Variants in SORCS2 observed in about 807,000 individuals in gnomAD.
The protein encoded by SORCS2 is sortilin related VPS10 domain containing receptor 2, also known as VPS10 domain-containing receptor SorCS2.
A neutral mutation model predicts 141.6 loss-of-function variants in SORCS2; 100 were observed. The ratio of observed to expected loss-of-function variants is 0.71; its 90% CI spans 0.60 to 0.83. The LOEUF is 0.83. Ranked by LOEUF, SORCS2 falls within the 40% of genes least tolerant of loss-of-function variation. The probability of loss-of-function intolerance (pLI) is 0.00; values close to 1 mark genes in which losing one functional copy is unlikely to be tolerated. For synonymous variants in SORCS2, 789 were observed against 676.9 expected, an observed-to-expected ratio of 1.17 and a Z score of -2.57; for missense variants, 1,646 against 1,560.2, an observed-to-expected ratio of 1.05 and a Z score of -0.93.
intron 1 of SORCS2, among the ~76,000 whole-genome samples, chr4:7,261,072 T>A (rs1035525033): frequency 6.6e-6 from 1 of 152,236 alleles, no homozygotes; most frequent in South Asian, 2.1e-4. Flanking sequence ...TTCTAACTTA[T>A]GGTCATGCTG....
At position 7,676,332 on chromosome 4, in the gene SORCS2, G is replaced by T. The variant is rs1723111353; in HGVS notation, c.1341+103G>T. The T allele has an allele frequency of 2.3e-6, 3 of 1,292,116 alleles. No individual in the cohort carries two copies. In the Admixed American group the frequency reaches 6.2e-5, roughly 27 times the overall value. 80.0% of individuals were successfully genotyped at this position (1,292,116 alleles called of 1,614,324 possible). A position where few individuals can be genotyped will look rare whatever the true frequency, so the allele number is the denominator to read the frequency against. On this transcript the variant is annotated intron_variant, in intron 9 of 26. Coordinates refer to ENST00000507866, the MANE Select transcript of SORCS2 (RefSeq NM_020777.3). ...CCCTCCCCTCCCGCCTGTCTATATAGCTGTCTCAAGGGTCTGCACACATCT... is the reference window on the plus strand; with the variant it reads ...CCCTCCCCTCCCGCCTGTCTATATATCTGTCTCAAGGGTCTGCACACATCT...
At chr4:7,513,389 G>A (rs898282810) in intron 2 of SORCS2, among the ~76,000 whole-genome samples, 6 of 152,178 alleles carry the variant, frequency 3.9e-5, no homozygotes, top group African/African-American at 1.4e-4. Context: ...GAGGGAAAAC[G>A]GGGCTTCACC....
rs1417941435 is a variant in SORCS2 at position 7,741,559 on chromosome 4, CAG to C, written c.*1298_*1299del. 2.1e-5 allele frequency: 6 copies of C among 291,854 alleles called. No individual in the cohort carries two copies. The highest frequency in any genetic ancestry group is 3.2e-5 in the Non-Finnish European group (5 of 158,654). 18.1% of individuals were successfully genotyped at this position (291,854 alleles called of 1,614,324 possible). A position where few individuals can be genotyped will look rare whatever the true frequency, so the allele number is the denominator to read the frequency against. On this transcript the variant is annotated 3_prime_UTR_variant, in exon 27 of 27. Transcript: ENST00000507866. ...TCTCAGATGACCGTGGCCTCCCTCT[CAG>C]AGGGGGAGAACGCCAGAGCCCTGGC... is the stretch of plus-strand genomic sequence containing the variant.
At chr4:7,518,568 A>G (rs943452005) in intron 2 of SORCS2, among the ~76,000 whole-genome samples, 4 of 152,162 alleles carry the variant, frequency 2.6e-5, no homozygotes, top group African/African-American at 9.7e-5. Context: ...TCTGGGTTTT[A>G]GAGTGGTTTC....
intron 1 of SORCS2, among the ~76,000 whole-genome samples, chr4:7,249,084 A>G (rs961977121): frequency 2.0e-5 from 3 of 152,362 alleles, no homozygotes; most frequent in Middle Eastern, 3.4e-3. Flanking sequence ...TCAGTGGCTT[A>G]AAAGAATCAT....
chr4:7,302,767 A>ATGTGTGTGTGTGTGTGTGTG (rs753375857), intron 1 of SORCS2, among the ~76,000 whole-genome samples: 186 of 101,686 alleles, frequency 1.8e-3, no homozygotes, highest in Non-Finnish European at 2.9e-3. Flanking sequence ...GACAGTCCAC[A>ATGTGTGTGTGTGTGTGTGTG]TATGTGTGTG....
At chr4:7,267,500 G>T (rs775707992) in intron 1 of SORCS2, among the ~76,000 whole-genome samples, 1 of 152,082 alleles carries the variant, frequency 6.6e-6, no homozygotes, top group Admixed American at 6.5e-5. Context: ...AGCAGAACTC[G>T]CTGGATACAT....
chr4:7,323,794 G>C (rs987119199), intron 1 of SORCS2, among the ~76,000 whole-genome samples: 3 of 151,972 alleles, frequency 2.0e-5, no homozygotes, highest in African/African-American at 7.2e-5. Context: ...CCGAGAAATG[G>C]GAACAGAACC....
chr4:7,635,689 C>T (rs1720196995), intron 3 of SORCS2, among the ~76,000 whole-genome samples: 1 of 152,170 alleles, frequency 6.6e-6, no homozygotes, highest in South Asian at 2.1e-4. Context: ...TCAAAGCCTC[C>T]CCTAACCAGC....
chr4:7,490,999 C>A (rs371618584), intron 2 of SORCS2, among the ~76,000 whole-genome samples: 3 of 152,258 alleles, frequency 2.0e-5, no homozygotes, highest in South Asian at 4.1e-4. Flanking sequence ...CTCGCCCCTC[C>A]TCTCTGTCCC....
intron 2 of SORCS2, among the ~76,000 whole-genome samples, chr4:7,459,524 C>T (rs554176342): frequency 4.9e-4 from 75 of 152,264 alleles, no homozygotes; most frequent in Non-Finnish European, 4.9e-4. Flanking sequence ...CCATGATGGC[C>T]GGGCCCCATG....
At chr4:7,196,762 C>G (rs769322758) in intron 1 of SORCS2, among the ~76,000 whole-genome samples, 10 of 152,104 alleles carry the variant, frequency 6.6e-5, no homozygotes, top group Non-Finnish European at 1.5e-4. Context: ...ACTCTCTGTT[C>G]TGCAATCTTG....
intron 1 of SORCS2, among the ~76,000 whole-genome samples, chr4:7,240,737 G>T (rs1712637393): frequency 6.6e-6 from 1 of 152,138 alleles, no homozygotes; most frequent in Non-Finnish European, 1.5e-5. Flanking sequence ...CCCCTGAAGG[G>T]GCAGTGAGAG....
chr4:7,455,526 G>A (rs1219822458), intron 2 of SORCS2, among the ~76,000 whole-genome samples: 17 of 143,148 alleles, frequency 1.2e-4, no homozygotes, highest in Non-Finnish European at 1.8e-4. Context: ...GTCAGCCTCC[G>A]TGTTAGTGTC....
chr4:7,345,953 G>A (rs548860553), intron 1 of SORCS2, among the ~76,000 whole-genome samples: 21 of 152,158 alleles, frequency 1.4e-4, no homozygotes, highest in South Asian at 4.2e-4. Context: ...CTTCCTTCAT[G>A]CTCAGTCTAG....
At chr4:7,703,141 G>T in intron 12 of SORCS2, 139 bp from the exon 13 acceptor site, 1 of 631,648 alleles carries the variant, frequency 1.6e-6, no homozygotes, top group Non-Finnish European at 2.7e-6. Flanking sequence ...GGACATGCAG[G>T]GAACCCTCAG....
At chr4:7,368,589 C>T (rs952979888) in intron 1 of SORCS2, among the ~76,000 whole-genome samples, 1 of 152,224 alleles carries the variant, frequency 6.6e-6, no homozygotes, top group Non-Finnish European at 1.5e-5. Context: ...GTCACAACCC[C>T]AGGTGTAACT....
chr4:7,543,768 CCGTCCATCCATCCACT>C (rs1237212721), intron 3 of SORCS2, among the ~76,000 whole-genome samples: 6 of 110,944 alleles, frequency 5.4e-5, no homozygotes, highest in African/African-American at 2.2e-4. Flanking sequence ...ACCCACCCAT[CCGTCCATCCATCCACT>C]CATCCATCCA....
At chr4:7,274,049 A>G (rs1262807754) in intron 1 of SORCS2, among the ~76,000 whole-genome samples, 2 of 152,074 alleles carry the variant, frequency 1.3e-5, no homozygotes, top group Non-Finnish European at 2.9e-5. Context: ...ACACATGTGG[A>G]TCTCTCTCTC....
Sources: allele counts gnomAD v4.1 joint callset (sites outside exome capture counted in the v4.1 genomes callset), GRCh38; gene constraint gnomAD v4.1.1; transcripts MANE v1.5; gene names NCBI Gene and HGNC (gene_info 2026-07-23, HGNC 2026-07-21).